The following SLTM variants were observed in gnomAD, a reference collection of about 807,000 sequenced individuals.
SLTM encodes SAFB like transcription modulator.
Under a neutral mutation model 134.6 loss-of-function variants are expected in SLTM, and 43 were observed. The observed-to-expected ratio is 0.32, with a 90% CI of 0.25 to 0.41. SLTM has a LOEUF of 0.41. Ranked by LOEUF, SLTM falls within the 10% of genes least tolerant of loss-of-function variation. The pLI, the probability that SLTM is intolerant of heterozygous loss-of-function variation, is 1.00. For synonymous variants in SLTM, 424 were observed against 432.3 expected (o/e 0.98, Z 0.24); for missense variants, 1,055 against 1,288.8 (o/e 0.82, Z 2.78).
chr15:58,926,453 GTTGA>G (rs1191851855), intron 2 of SLTM, among the ~76,000 whole-genome samples: 7 of 152,076 alleles, frequency 4.6e-5, no homozygotes, highest in Non-Finnish European at 7.3e-5. Context: ...GCTTTATGTG[GTTGA>G]TTACTATATT....
At position 58,915,042 on chromosome 15, in the gene SLTM, T is replaced by C. The variant is rs2036530792; in HGVS notation, c.316-1346A>G. Among the ~76,000 whole-genome samples, 4 of 152,062 alleles carry C rather than the reference T, an allele frequency of 2.6e-5. No homozygotes were observed. In the South Asian group the frequency reaches 8.3e-4, roughly 32 times the overall value. On this transcript the variant is annotated intron_variant, in intron 3 of 20. Coordinates refer to ENST00000380516, the MANE Select transcript of SLTM (RefSeq NM_024755.4). ...CCCCGTCTCTACTAAAATACGAAAA[T>C]TAGCCGGGCCTGGTGCGGTAAGCCG...
rs1213142623 is a variant in SLTM at position 58,913,669 on chromosome 15, G to A, written c.343C>T (p.His115Tyr). The change falls in exon 4 of 21, where the codon CAT becomes TAT. Residue 115 changes from histidine to tyrosine, a missense_variant. His to Tyr is a moderately conservative substitution (Grantham distance 83, BLOSUM62 2). This residue lies in a region of SLTM where 268 missense variants were observed against 284.3 expected (regional missense o/e 0.94). Transcript: ENST00000380516. ...AGTTCATCATTTCCATCTTGCTCAT[G>A]TGCCTCTTGATTCTCCAATTCACAG... is the stretch of plus-strand genomic sequence containing the variant. Reference protein sequence around the residue: ...KDCELENQEAHEQDGNDELKD... With the variant: ...KDCELENQEAYEQDGNDELKD... 1.9e-6 allele frequency: 3 copies of A among 1,613,330 alleles called. No homozygotes were observed. Among genetic ancestry groups the A allele is most frequent in the African/African-American group, 1.3e-5 (1 of 74,862 alleles).
chr15:58,923,807 T>A (rs2037270918), intron 2 of SLTM, among the ~76,000 whole-genome samples: 1 of 139,562 alleles, frequency 7.2e-6, no homozygotes, highest in Non-Finnish European at 1.6e-5. Flanking sequence ...ACCTTTTTTT[T>A]TTTTTTTTTT....
intron 5 of SLTM, among the ~76,000 whole-genome samples, chr15:58,910,943 A>G (rs1023303821): frequency 6.6e-6 from 1 of 151,700 alleles, no homozygotes; most frequent in South Asian, 2.1e-4. Flanking sequence ...ACCAGGTTTC[A>G]CCATATTGGC....
rs770639613 is a variant in SLTM at position 58,888,560 on chromosome 15, A to G, written c.2205-5T>C. On this transcript the variant is annotated splice_region_variant and splice_polypyrimidine_tract_variant and intron_variant, in intron 16 of 20. Coordinates refer to ENST00000380516, the MANE Select transcript of SLTM (RefSeq NM_024755.4). ...CTCCAGTAAGGATCATCTCGCCTTG[A>G]AGAGAAATATTTGCTTATTTACATA... 5 of 1,611,602 alleles carry G rather than the reference A, an allele frequency of 3.1e-6. No individual in the cohort carries two copies. Among genetic ancestry groups the G allele is most frequent in the Non-Finnish European group, 4.2e-6 (5 of 1,179,414 alleles).
At chr15:58,920,858 G>C (rs1176311166) in intron 2 of SLTM, among the ~76,000 whole-genome samples, 1 of 151,872 alleles carries the variant, frequency 6.6e-6, no homozygotes, top group African/African-American at 2.4e-5. Context: ...GGGAGGCTGA[G>C]GCAGAATAAT....
intron 3 of SLTM, among the ~76,000 whole-genome samples, chr15:58,915,325 T>C (rs2036558887): frequency 6.6e-6 from 1 of 152,218 alleles, no homozygotes; most frequent in Admixed American, 6.5e-5. Flanking sequence ...GACAGTACTA[T>C]TGTTCGTCTC....
At chr15:58,928,905 T>G (rs1446382930) in intron 2 of SLTM, among the ~76,000 whole-genome samples, 1 of 152,216 alleles carries the variant, frequency 6.6e-6, no homozygotes, top group East Asian at 1.9e-4. Flanking sequence ...ACTGATTTCC[T>G]ATGAGCTTAC....
At chr15:58,887,680 T>G (rs760636896) in intron 17 of SLTM, 140 bp from the exon 18 acceptor site, 414 of 1,425,672 alleles carry the variant, frequency 2.9e-4, no homozygotes, top group Non-Finnish European at 3.4e-4. Flanking sequence ...AGCTAGTTAT[T>G]GATTATTACA....
chr15:58,888,597 C>G (rs188623858), intron 16 of SLTM, 42 bp from the exon 17 acceptor site: 3 of 1,599,254 alleles, frequency 1.9e-6, no homozygotes, highest in Non-Finnish European at 2.6e-6. Flanking sequence ...ATTAGTTCTA[C>G]AGTAATCAAA....
chr15:58,905,063 T>C (rs1368661371), intron 5 of SLTM, among the ~76,000 whole-genome samples: 1 of 152,106 alleles, frequency 6.6e-6, no homozygotes, highest in East Asian at 1.9e-4. Context: ...AGGCTGGTCT[T>C]GAACTCCTGG....
chr15:58,929,268 G>A (rs866960871), intron 2 of SLTM, among the ~76,000 whole-genome samples: 11 of 152,088 alleles, frequency 7.2e-5, no homozygotes, highest in Non-Finnish European at 1.3e-4. Context: ...CTGACCAACT[G>A]GAGAAACCCG....
At chr15:58,910,204 G>A (rs1356707364) in intron 5 of SLTM, among the ~76,000 whole-genome samples, 1 of 152,134 alleles carries the variant, frequency 6.6e-6, no homozygotes, top group East Asian at 1.9e-4. Context: ...AAGGGAGAAA[G>A]TAAACAGAGG....
chr15:58,911,363 ACCT>A (rs2036256699), intron 5 of SLTM, among the ~76,000 whole-genome samples: 1 of 152,116 alleles, frequency 6.6e-6, no homozygotes. Context: ...GAAATAACTG[ACCT>A]CCTCATTATT....
At chr15:58,910,571 T>C (rs1416411308) in intron 5 of SLTM, among the ~76,000 whole-genome samples, 1 of 152,162 alleles carries the variant, frequency 6.6e-6, no homozygotes, top group Non-Finnish European at 1.5e-5. Flanking sequence ...TGGGGATCCT[T>C]AGCTATGATG....
At chr15:58,887,877 G>T (rs1400620297) in intron 17 of SLTM, among the ~76,000 whole-genome samples, 1 of 152,154 alleles carries the variant, frequency 6.6e-6, no homozygotes, top group Non-Finnish European at 1.5e-5. Context: ...GAGGCGGGGA[G>T]TGGTGGCTCA....
chr15:58,883,471 ACT>A lies in SLTM; in HGVS notation c.2996+153_2996+154del, dbSNP rs2033908135. ...CATTAATATCAGCTGTTCTGCAAAC[ACT>A]CTTTTGGAGACTACGGGTTGATACA... is the stretch of plus-strand genomic sequence containing the variant. On this transcript the variant is annotated intron_variant, in intron 20 of 20. Coordinates refer to ENST00000380516, the MANE Select transcript of SLTM (RefSeq NM_024755.4). 22 of 915,616 alleles carry A rather than the reference ACT, an allele frequency of 2.4e-5. No individual in the cohort carries two copies. In the East Asian group the frequency reaches 5.4e-4, roughly 23 times the overall value. 56.7% of individuals were successfully genotyped at this position (915,616 alleles called of 1,614,324 possible). A position where few individuals can be genotyped will look rare whatever the true frequency, so the allele number is the denominator to read the frequency against.
chr15:58,923,194 C>CA (rs1231906451), intron 2 of SLTM, among the ~76,000 whole-genome samples: 18 of 151,788 alleles, frequency 1.2e-4, no homozygotes, highest in East Asian at 3.9e-4. Context: ...CCCGTATCTA[C>CA]AAAAAAACAC....
chr15:58,880,228 G>T lies in SLTM; in HGVS notation c.2997-121C>A, dbSNP rs114544245. 764 of 1,351,600 alleles carry T rather than the reference G, an allele frequency of 5.7e-4. 1 individual carries two copies. The African/African-American group carries it at 0.01, about 18-fold the overall frequency. 83.7% of individuals were successfully genotyped at this position (1,351,600 alleles called of 1,614,324 possible). ...ATCATTTACTCTTTTCAACAGTCCC[G>T]TGAGGTCTGAACCATTGCTAACCCC... On this transcript the variant is annotated intron_variant, in intron 20 of 20. Coordinates refer to ENST00000380516, the MANE Select transcript of SLTM (RefSeq NM_024755.4).
Sources: allele counts gnomAD v4.1 joint callset (sites outside exome capture counted in the v4.1 genomes callset), GRCh38; gene constraint gnomAD v4.1.1; regional missense constraint gnomAD v4.1.1; transcripts MANE v1.5; gene names NCBI Gene and HGNC (gene_info 2026-07-23, HGNC 2026-07-21).